BCAS3: variants seen among roughly 807,000 people sequenced by gnomAD.
BCAS3 encodes the protein BCAS3 microtubule associated cell migration factor.
Under a neutral mutation model 116.1 loss-of-function variants are expected in BCAS3, and 53 were observed. That is an observed-to-expected ratio of 0.46 (90% CI 0.37 to 0.57). The LOEUF (loss-of-function observed/expected upper bound fraction) is 0.57. Among genes scored for constraint, BCAS3 ranks in the 20% least tolerant of loss-of-function variants. The pLI, the probability that BCAS3 is intolerant of heterozygous loss-of-function variation, is 0.00. For missense variants in BCAS3, 917 were observed against 1,165.4 expected, an observed-to-expected ratio of 0.79 and a Z score of 3.10; for synonymous variants, 391 against 408.2, an observed-to-expected ratio of 0.96 and a Z score of 0.51.
intron 22 of BCAS3, among the ~76,000 whole-genome samples, chr17:61,111,360 A>G (rs1040804545): frequency 6.7e-6 from 1 of 149,782 alleles, no homozygotes; most frequent in Non-Finnish European, 1.5e-5. Flanking sequence ...AGAATGTATA[A>G]CTAGAATAAC....
chr17:60,686,299 A>C (rs2143828327), intron 3 of BCAS3, among the ~76,000 whole-genome samples: 1 of 152,242 alleles, frequency 6.6e-6, no homozygotes, highest in South Asian at 2.1e-4. Context: ...GTTTTCTGCC[A>C]ATATTGTGTT....
intron 6 of BCAS3, among the ~76,000 whole-genome samples, chr17:60,774,164 C>T (rs986156028): frequency 1.3e-5 from 2 of 152,148 alleles, no homozygotes; most frequent in Admixed American, 1.3e-4. Flanking sequence ...GTCTTTCCCT[C>T]CCCTCTTGTT....
intron 22 of BCAS3, among the ~76,000 whole-genome samples, chr17:61,342,766 T>TG (rs2057257004): frequency 6.6e-6 from 1 of 151,816 alleles, no homozygotes; most frequent in South Asian, 2.1e-4. Flanking sequence ...TTTTTTTTTT[T>TG]TGTGAGATAA....
At chr17:60,770,362 T>C (rs1175836288) in intron 6 of BCAS3, among the ~76,000 whole-genome samples, 1 of 151,434 alleles carries the variant, frequency 6.6e-6, no homozygotes, top group Non-Finnish European at 1.5e-5. Context: ...TACTTGCTTT[T>C]AGTCCTTGCC....
chr17:61,040,905 GA>G lies in BCAS3; in HGVS notation c.2029+14del. 6.2e-7 allele frequency: 1 copy of G among 1,603,930 alleles called. No homozygotes were observed. Among genetic ancestry groups the G allele is most frequent in the East Asian group, 2.2e-5 (1 of 44,790 alleles). ...CTGCTTGCTGGCCGTAAGTAGTTCA[GA>G]TTTTTTTTTTCCTTTCGTATGGTCT... On this transcript the variant is annotated intron_variant, in intron 19 of 23. Coordinates refer to ENST00000407086, the MANE Select transcript of BCAS3 (RefSeq NM_017679.5).
intron 5 of BCAS3, among the ~76,000 whole-genome samples, chr17:60,735,833 T>G (rs1052194371): frequency 6.7e-6 from 1 of 149,932 alleles, no homozygotes; most frequent in Non-Finnish European, 1.5e-5. Context: ...TTCTTTTTTT[T>G]CATAAATAGG....
chr17:61,096,167 A>G (rs2073957624), intron 22 of BCAS3, among the ~76,000 whole-genome samples: 1 of 152,046 alleles, frequency 6.6e-6, no homozygotes. Context: ...ATAACTATTC[A>G]CTTATTTAAG....
At chr17:60,788,562 G>A (rs2046484352) in intron 6 of BCAS3, among the ~76,000 whole-genome samples, 1 of 152,152 alleles carries the variant, frequency 6.6e-6, no homozygotes, top group African/African-American at 2.4e-5. Context: ...ATATTTGAGG[G>A]AAATGGCAAA....
At chr17:61,270,801 G>T (rs2144626905) in intron 22 of BCAS3, among the ~76,000 whole-genome samples, 1 of 152,232 alleles carries the variant, frequency 6.6e-6, no homozygotes, top group East Asian at 1.9e-4. Flanking sequence ...GGAGTGCAAT[G>T]GTGCAATCTC....
chr17:60,948,661 G>A (rs1284994260), intron 14 of BCAS3, among the ~76,000 whole-genome samples: 1 of 151,990 alleles, frequency 6.6e-6, no homozygotes, highest in Non-Finnish European at 1.5e-5. Context: ...TGACTATAAT[G>A]GATTGAAATG....
intron 10 of BCAS3, among the ~76,000 whole-genome samples, chr17:60,898,057 CT>C (rs1472164170): frequency 1.3e-5 from 2 of 151,900 alleles, no homozygotes; most frequent in African/African-American, 4.8e-5. Context: ...CTCTTTGACC[CT>C]TTTAAAAATT....
chr17:60,701,453 A>T (rs377101695), intron 4 of BCAS3, among the ~76,000 whole-genome samples: 1 of 152,184 alleles, frequency 6.6e-6, no homozygotes, highest in Non-Finnish European at 1.5e-5. Flanking sequence ...CCCTTTAATA[A>T]TGTGGGTTTG....
intron 6 of BCAS3, among the ~76,000 whole-genome samples, chr17:60,759,027 G>A (rs1048381540): frequency 2.0e-5 from 3 of 149,872 alleles, no homozygotes; most frequent in Admixed American, 6.7e-5. Context: ...TGCCTGGAGT[G>A]CAGTGGCACG....
At chr17:60,679,089 G>A (rs373120563) in intron 1 of BCAS3, among the ~76,000 whole-genome samples, 26 of 152,304 alleles carry the variant, frequency 1.7e-4, no homozygotes, top group East Asian at 1.4e-3. Flanking sequence ...GCTCGGCATG[G>A]TGGCGCTCGC....
Position 61,327,163 on chromosome 17 carries a change from T to C in BCAS3, c.2426-41164T>C, listed in dbSNP as rs1162692322. Among the ~76,000 whole-genome samples, 4 of 151,622 alleles carry C rather than the reference T, an allele frequency of 2.6e-5. No individual in the cohort carries two copies. Among genetic ancestry groups the C allele is most frequent in the African/African-American group, 7.3e-5 (3 of 41,272 alleles). ...ACTAAAAATACAAAAATTAGCTGGGTGTGGTGGCGGGCGCCTGTAGTCCCA... is the reference window on the plus strand; with the variant it reads ...ACTAAAAATACAAAAATTAGCTGGGCGTGGTGGCGGGCGCCTGTAGTCCCA... On this transcript the variant is annotated intron_variant, in intron 22 of 23. Coordinates refer to ENST00000407086, the MANE Select transcript of BCAS3 (RefSeq NM_017679.5). The surrounding 1 kb of genome is among the most constrained non-coding windows in gnomAD (Gnocchi z 5.9).
At chr17:61,117,487 AG>A (rs1449116757) in intron 22 of BCAS3, among the ~76,000 whole-genome samples, 1 of 152,094 alleles carries the variant, frequency 6.6e-6, no homozygotes, top group Non-Finnish European at 1.5e-5. Context: ...CCCAACTACT[AG>A]GGAGGCCGAG....
intron 23 of BCAS3, among the ~76,000 whole-genome samples, chr17:61,382,339 C>T (rs2059644226): frequency 6.6e-6 from 1 of 151,414 alleles, no homozygotes; most frequent in African/African-American, 2.4e-5. Context: ...CAGCTCACTG[C>T]AATGTCCGCC....
At chr17:60,767,931 G>C (rs2044280325) in intron 6 of BCAS3, among the ~76,000 whole-genome samples, 1 of 152,132 alleles carries the variant, frequency 6.6e-6, no homozygotes, top group African/African-American at 2.4e-5. Context: ...CTTCTGAGTA[G>C]CTGGAATGAC....
At chr17:61,386,807 T>A (rs1357886797) in intron 23 of BCAS3, among the ~76,000 whole-genome samples, 2 of 150,362 alleles carry the variant, frequency 1.3e-5, no homozygotes, top group Non-Finnish European at 3.0e-5. Flanking sequence ...TTTTTTTTTT[T>A]TTTTTTGAGA....
Sources: allele counts gnomAD v4.1 joint callset (sites outside exome capture counted in the v4.1 genomes callset), GRCh38; gene constraint gnomAD v4.1.1; non-coding constraint Gnocchi (gnomAD v3.1); transcripts MANE v1.5; gene names NCBI Gene and HGNC (gene_info 2026-07-23, HGNC 2026-07-21).